ATP6V0A1: variants seen among roughly 807,000 people sequenced by gnomAD.
ATP6V0A1 encodes the protein V-type proton ATPase 116 kDa subunit a 1.
A neutral mutation model predicts 105.4 loss-of-function variants in ATP6V0A1; 43 were observed. The observed-to-expected ratio is 0.41, with a 90% CI of 0.32 to 0.53. The LOEUF is 0.53. ATP6V0A1 is among the 20% of genes least tolerant of loss of function. The pLI is 0.30. For missense variants in ATP6V0A1, 676 were observed against 1,051.1 expected, an observed-to-expected ratio of 0.64 and a Z score of 4.93; for synonymous variants, 362 against 372.8, an observed-to-expected ratio of 0.97 and a Z score of 0.33.
intron 9 of ATP6V0A1, among the ~76,000 whole-genome samples, chr17:42,484,500 A>G (rs1290295554): frequency 6.6e-6 from 1 of 152,194 alleles, no homozygotes; most frequent in East Asian, 1.9e-4. Context: ...CTCGGCATGC[A>G]TCCTTGCGGT....
chr17:42,488,178 C>G (rs1188525999), intron 10 of ATP6V0A1, among the ~76,000 whole-genome samples: 1 of 152,134 alleles, frequency 6.6e-6, no homozygotes, highest in African/African-American at 2.4e-5. Context: ...AAGCAGGTGG[C>G]ATTTGATCAG....
chr17:42,495,306 A>C lies in ATP6V0A1; in HGVS notation c.1469+118A>C, dbSNP rs2091049110. 3.8e-6 allele frequency: 4 copies of C among 1,063,446 alleles called. No individual in the cohort carries two copies. In the South Asian group the frequency reaches 6.0e-5, roughly 16 times the overall value. 65.9% of individuals were successfully genotyped at this position (1,063,446 alleles called of 1,614,324 possible). Reference sequence around the variant, plus strand: ...AAGTGGTGACAGTGTCTCCTCATTCATGCTCCACACTGTGAGTTGCTTTGT... The same window carrying C: ...AAGTGGTGACAGTGTCTCCTCATTCCTGCTCCACACTGTGAGTTGCTTTGT... On this transcript the variant is annotated intron_variant, in intron 13 of 21. Transcript: ENST00000343619.
intron 17 of ATP6V0A1, chr17:42,507,203 A>G: frequency 4.0e-6 from 1 of 252,950 alleles, no homozygotes; most frequent in Non-Finnish European, 7.7e-6. Context: ...TGTTCATATT[A>G]AGGTTTTCAT....
chr17:42,483,059 C>G lies in ATP6V0A1; in HGVS notation c.738C>G (p.Pro246=). ...CCAGGTTCCGAGCCTCACTCTATCC[C>G]TGTCCTGAGACACCACAGGAGAGGA... ...ICEGFRASLY[P]CPETPQERKE... is the part of the protein sequence containing the mutation. Residue 246 remains proline (P), a synonymous_variant, in exon 9 of 22, where the codon CCC becomes CCG. Coordinates refer to ENST00000343619, the MANE Select transcript of ATP6V0A1 (RefSeq NM_001130021.3). The G allele has an allele frequency of 6.4e-7, 1 of 1,558,932 alleles. No individual in the cohort carries two copies. The highest frequency in any genetic ancestry group is 8.7e-7 in the Non-Finnish European group (1 of 1,150,042).
At chr17:42,498,602 C>T (rs1483827861) in intron 14 of ATP6V0A1, among the ~76,000 whole-genome samples, 3 of 151,698 alleles carry the variant, frequency 2.0e-5, no homozygotes, top group Non-Finnish European at 2.9e-5. Context: ...CTGAGGCGGG[C>T]GAATCACGAG....
chr17:42,517,209 G>A (rs1378468095), intron 21 of ATP6V0A1, among the ~76,000 whole-genome samples: 1 of 152,284 alleles, frequency 6.6e-6, no homozygotes, highest in African/African-American at 2.4e-5. Flanking sequence ...GAACCCAGGA[G>A]ATGGAGGTTG....
chr17:42,478,426 T>G, intron 6 of ATP6V0A1, 37 bp from the exon 7 acceptor site: 1 of 1,490,068 alleles, frequency 6.7e-7, no homozygotes, highest in Non-Finnish European at 9.0e-7. Context: ...TCCCATGACA[T>G]GGAATAGAGT....
chr17:42,487,336 A>C lies in ATP6V0A1; in HGVS notation c.992A>C (p.Asp331Ala). Reference sequence around the variant, plus strand: ...GTCTGGTGCCCTGTCACCGACCTTGACTCCATCCAGTTTGCACTCAGAAGG... The same window carrying C: ...GTCTGGTGCCCTGTCACCGACCTTGCCTCCATCCAGTTTGCACTCAGAAGG... ...AEVWCPVTDL[D>A]SIQFALRRGT... The change falls in exon 10 of 22, where the codon GAC becomes GCC. Residue 331 changes from aspartate (D) to alanine (A), a missense_variant. Asp to Ala is a moderately radical substitution (Grantham distance 126). Around this residue, in one of 3 missense-constraint regions of ATP6V0A1, gnomAD observed 435 missense variants for 642.2 expected, o/e 0.68. Coordinates refer to ENST00000343619, the MANE Select transcript of ATP6V0A1 (RefSeq NM_001130021.3). 6.2e-7 allele frequency: 1 copy of C among 1,613,914 alleles called. No individual in the cohort carries two copies.
intron 19 of ATP6V0A1, among the ~76,000 whole-genome samples, chr17:42,512,505 A>G (rs1423304462): frequency 5.9e-5 from 9 of 152,224 alleles, no homozygotes; most frequent in East Asian, 1.9e-4. Context: ...TAGGGAACTC[A>G]GGGAACTAGG....
At chr17:42,466,348 G>A (rs1356831876) in intron 2 of ATP6V0A1, 81 bp from the exon 3 acceptor site, 14 of 1,255,144 alleles carry the variant, frequency 1.1e-5, no homozygotes, top group East Asian at 7.1e-5. Flanking sequence ...TTAGTTTTTC[G>A]CTTTGCAGAA....
chr17:42,467,887 T>A (rs986571555), intron 3 of ATP6V0A1, 123 bp from the exon 4 acceptor site: 10 of 292,382 alleles, frequency 3.4e-5, no homozygotes, highest in Non-Finnish European at 6.4e-5. Flanking sequence ...TATATATATA[T>A]AAAGTATCTT....
chr17:42,499,233 G>A (rs1322439372), intron 15 of ATP6V0A1, among the ~76,000 whole-genome samples, 191 bp downstream of exon 15: 1 of 152,200 alleles, frequency 6.6e-6, no homozygotes, highest in Non-Finnish European at 1.5e-5. Flanking sequence ...TACTTTGGGA[G>A]GCCAAGGCCG....
At chr17:42,513,828 T>A (rs768306747) in intron 19 of ATP6V0A1, 33 bp from the exon 20 acceptor site, 4 of 1,593,158 alleles carry the variant, frequency 2.5e-6, no homozygotes, top group Non-Finnish European at 3.4e-6. Flanking sequence ...CCTCCTAGCC[T>A]TATATCTTCT....
intron 2 of ATP6V0A1, among the ~76,000 whole-genome samples, chr17:42,463,459 A>C (rs1364820943): frequency 2.6e-5 from 4 of 152,154 alleles, no homozygotes; most frequent in African/African-American, 9.7e-5. Context: ...TTGCAAACTC[A>C]TGTCTGACTT....
intron 6 of ATP6V0A1, 44 bp downstream of exon 6, chr17:42,477,786 C>T: frequency 4.7e-6 from 7 of 1,494,984 alleles, no homozygotes; most frequent in Non-Finnish European, 6.5e-6. Flanking sequence ...GGGCCATGTT[C>T]ATCTCTTCTG....
Position 42,483,053 on chromosome 17 carries a change from C to T in ATP6V0A1, c.732C>T (p.Leu244=). The part of the protein sequence containing the change: ...KKICEGFRAS[L]YPCPETPQER... ...TATATTCCAGGTTCCGAGCCTCACT[C>T]TATCCCTGTCCTGAGACACCACAGG... The change falls in exon 9 of 22, where the codon CTC becomes CTT. Residue 244 remains leucine (L), a synonymous_variant. Transcript: ENST00000343619. 1 of 1,542,444 alleles carries T rather than the reference C, an allele frequency of 6.5e-7. No homozygotes were observed. The highest frequency in any genetic ancestry group is 1.3e-5 in the South Asian group (1 of 78,638).
chr17:42,474,262 A>G (rs2088413788), intron 5 of ATP6V0A1, among the ~76,000 whole-genome samples: 1 of 151,440 alleles, frequency 6.6e-6, no homozygotes, highest in South Asian at 2.1e-4. Context: ...CAGCCTCCCA[A>G]AGTGCTGGAA....
intron 2 of ATP6V0A1, among the ~76,000 whole-genome samples, chr17:42,461,449 T>C (rs1422555956): frequency 5.3e-5 from 8 of 152,208 alleles, no homozygotes; most frequent in African/African-American, 1.9e-4. Context: ...TGGAATATTA[T>C]ACTGGGCACT....
chr17:42,519,335 G>C (rs2092746465), intron 21 of ATP6V0A1: 1 of 152,326 alleles, frequency 6.6e-6, no homozygotes, highest in Non-Finnish European at 1.5e-5. Context: ...AGGGGGTGGG[G>C]GTCAGAGTTC....
Sources: gnomAD v4.1 joint callset for allele counts (sites outside exome capture counted in the v4.1 genomes callset) on GRCh38, gnomAD v4.1.1 for gene constraint, gnomAD v4.1.1 regional missense constraint, MANE v1.5 for transcripts, NCBI Gene and HGNC (gene_info 2026-07-23, HGNC 2026-07-21) for gene names.